The following OVCH2 variants were observed in gnomAD, a reference collection of about 807,000 sequenced individuals.
OVCH2 encodes ovochymase-2.
In OVCH2, 88 loss-of-function variants were observed where a neutral mutation model predicts 73.7. The observed-to-expected ratio is 1.19, with a 90% CI of 1.01 to 1.43. OVCH2 has a LOEUF of 1.43. Among genes scored for constraint, OVCH2 ranks in the 40% most tolerant of loss-of-function variants. OVCH2 has a pLI of 0.00. For synonymous variants in OVCH2, 265 were observed against 234.5 expected, an observed-to-expected ratio of 1.13 and a Z score of -1.19; for missense variants, 706 against 674.5, an observed-to-expected ratio of 1.05 and a Z score of -0.52.
chr11:7,686,337 G>A (rs969423613), downstream of OVCH2, among the ~76,000 whole-genome samples: 2 of 152,116 alleles, frequency 1.3e-5, no homozygotes, highest in African/African-American at 2.4e-5. Context: ...CATATGCAAC[G>A]TTTAGAATGA....
At chr11:7,698,602 G>T in intron 8 of OVCH2, 148 bp downstream of exon 8, 1 of 690,338 alleles carries the variant, frequency 1.4e-6, no homozygotes, top group Non-Finnish European at 2.3e-6. Flanking sequence ...GCTTCTGCTG[G>T]GCATAATGGC....
At chr11:7,685,641 G>C (rs1590898516), downstream of OVCH2, among the ~76,000 whole-genome samples, 1 of 147,824 alleles carries the variant, frequency 6.8e-6, no homozygotes, top group African/African-American at 2.5e-5. Context: ...GCTCCCACCC[G>C]GTCGGTGTCC....
chr11:7,702,579 G>A (rs1415589840), intron 3 of OVCH2, among the ~76,000 whole-genome samples: 1 of 152,166 alleles, frequency 6.6e-6, no homozygotes, highest in Admixed American at 6.5e-5. Context: ...ACTTTGCAAT[G>A]TTATTTGAAA....
At chr11:7,689,901 A>C (rs1279456955) in intron 15 of OVCH2, 23 bp downstream of exon 15, 6 of 1,327,716 alleles carry the variant, frequency 4.5e-6, no homozygotes, top group Non-Finnish European at 6.3e-6. Context: ...TGTGTGTATC[A>C]ATTGGTCCCC....
chr11:7,694,802 AC>A (rs1165881498), intron 12 of OVCH2, among the ~76,000 whole-genome samples: 1 of 58,842 alleles, frequency 1.7e-5, no homozygotes, highest in Non-Finnish European at 3.4e-5. Flanking sequence ...TTAAAGCGGC[AC>A]TTTTTTTTTT....
chr11:7,701,805 A>C lies in OVCH2; in HGVS notation c.470T>G (p.Phe157Cys). 6.2e-7 allele frequency: 1 copy of C among 1,609,192 alleles called. No individual in the cohort carries two copies. Among genetic ancestry groups the C allele is most frequent in the Non-Finnish European group, 8.5e-7 (1 of 1,178,032 alleles). Residue 157 changes from phenylalanine (F) to cysteine (C), a missense_variant, in exon 5 of 16, where the codon TTT becomes TGT. Transcript: ENST00000533663. ...KMAGAFQFGH[F>C]VGPICLPELR... is the part of the protein sequence containing the mutation. ...CTCTGGAAGACATATGGGCCCCACAAAGTGGCCTGAAGAAAAGAGCAAGGT... is the reference window on the plus strand; with the variant it reads ...CTCTGGAAGACATATGGGCCCCACACAGTGGCCTGAAGAAAAGAGCAAGGT...
chr11:7,683,436 T>G, the OVCH2 span, among the ~76,000 whole-genome samples: 8 of 152,196 alleles, frequency 5.3e-5, no homozygotes, highest in Non-Finnish European at 8.8e-5. Context: ...GAATCTGACT[T>G]ACCACTTCCA....
chr11:7,684,188 T>C, the OVCH2 span, among the ~76,000 whole-genome samples: 5 of 152,250 alleles, frequency 3.3e-5, no homozygotes, highest in African/African-American at 1.2e-4. Flanking sequence ...TGACCTTTCT[T>C]GACCATCAAA....
intron 15 of OVCH2, 110 bp from the exon 16 acceptor site, chr11:7,689,712 C>A: frequency 1.5e-6 from 1 of 647,176 alleles, no homozygotes; most frequent in African/African-American, 1.8e-5. Context: ...GGACACTAGT[C>A]ATACTGGATT....
chr11:7,688,070 C>A (rs1856162611), downstream of OVCH2, among the ~76,000 whole-genome samples: 1 of 152,152 alleles, frequency 6.6e-6, no homozygotes, highest in Admixed American at 6.5e-5. Context: ...AACATTCAGT[C>A]CACAGCAAAA....
At position 7,698,162 on chromosome 11, in the gene OVCH2, TC is replaced by T. The variant is rs200600208; in HGVS notation, c.925+587del. On this transcript the variant is annotated intron_variant, in intron 8 of 15. Coordinates refer to ENST00000533663, the MANE Select transcript of OVCH2 (RefSeq NM_198185.7). The stretch of plus-strand genomic sequence containing the variant: ...TTCAAAGATGTCTGTGCATCAGAGC[TC>T]CCCTGTGAGTTTATTTGTTTTCAGC... Among the ~76,000 whole-genome samples, 1,257 of 152,268 alleles carry T rather than the reference TC, an allele frequency of 8.3e-3. 6 individuals carry two copies. Among genetic ancestry groups the T allele is most frequent in the South Asian group, 0.014 (69 of 4,816 alleles).
chr11:7,688,536 A>G (rs1247090118), downstream of OVCH2, among the ~76,000 whole-genome samples: 1 of 152,158 alleles, frequency 6.6e-6, no homozygotes, highest in Non-Finnish European at 1.5e-5. Flanking sequence ...AGCCAGAACA[A>G]AGAGACCCCA....
chr11:7,693,355 G>T (rs545496351), intron 12 of OVCH2, among the ~76,000 whole-genome samples: 2 of 152,260 alleles, frequency 1.3e-5, no homozygotes, highest in African/African-American at 4.8e-5. Context: ...GATACTTTCT[G>T]GGAAGGGGCC....
chr11:7,693,978 G>A (rs1856271567), intron 12 of OVCH2, among the ~76,000 whole-genome samples: 1 of 152,200 alleles, frequency 6.6e-6, no homozygotes, highest in Non-Finnish European at 1.5e-5. Flanking sequence ...TTTTGTTTGT[G>A]TTTTAAGTTA....
rs201899566 is a variant in OVCH2, at chr11:7,695,486, T to C, written c.1282+84A>G. Reference sequence around the variant, plus strand: ...AGTCAGTTGGGCCTTGGGAGAGGGATCCCTGCCACTCACCTAATTCCTATG... The same window carrying C: ...AGTCAGTTGGGCCTTGGGAGAGGGACCCCTGCCACTCACCTAATTCCTATG... On this transcript the variant is annotated intron_variant, in intron 11 of 15. Coordinates refer to ENST00000533663, the MANE Select transcript of OVCH2 (RefSeq NM_198185.7). 1.3e-5 allele frequency: 17 copies of C among 1,329,738 alleles called. No individual in the cohort carries two copies. In the East Asian group the frequency reaches 2.9e-4, roughly 23 times the overall value. 82.4% of individuals were successfully genotyped at this position (1,329,738 alleles called of 1,614,324 possible).
the OVCH2 span, among the ~76,000 whole-genome samples, chr11:7,682,243 G>C: frequency 6.6e-6 from 1 of 152,192 alleles, no homozygotes; most frequent in Non-Finnish European, 1.5e-5. Flanking sequence ...CACATCGCTG[G>C]ACAGTAGCAA....
downstream of OVCH2, among the ~76,000 whole-genome samples, chr11:7,685,936 G>T (rs1856137652): frequency 6.6e-6 from 1 of 152,058 alleles, no homozygotes; most frequent in Admixed American, 6.6e-5. Flanking sequence ...TTTAGGAGCG[G>T]AAAACAGATC....
At chr11:7,694,299 C>G (rs1364478488) in intron 12 of OVCH2, among the ~76,000 whole-genome samples, 3 of 152,216 alleles carry the variant, frequency 2.0e-5, no homozygotes, top group Non-Finnish European at 4.4e-5. Context: ...TAACCACACA[C>G]TGCTAATCAA....
chr11:7,682,693 T>C, the OVCH2 span, among the ~76,000 whole-genome samples: 1 of 152,268 alleles, frequency 6.6e-6, no homozygotes, highest in African/African-American at 2.4e-5. Flanking sequence ...TTGCTCCTTA[T>C]GATCAGTTCC....
Sources: allele counts gnomAD v4.1 joint callset (sites outside exome capture counted in the v4.1 genomes callset), GRCh38; gene constraint gnomAD v4.1.1; transcripts MANE v1.5; gene names NCBI Gene and HGNC (gene_info 2026-07-23, HGNC 2026-07-21).